The following MTUS2 variants were observed in gnomAD, a reference collection of about 807,000 sequenced individuals.
MTUS2 encodes microtubule associated scaffold protein 2, also known as microtubule-associated tumor suppressor candidate 2.
A neutral mutation model predicts 114.1 loss-of-function variants in MTUS2; 40 were observed. The ratio of observed to expected loss-of-function variants is 0.35; its 90% CI spans 0.27 to 0.46. MTUS2 has a LOEUF of 0.46. Among genes scored for constraint, MTUS2 ranks in the 20% least tolerant of loss-of-function variants. The pLI is 1.00. For missense variants in MTUS2, 1,679 were observed against 1,705.4 expected, an observed-to-expected ratio of 0.98 and a Z score of 0.27; for synonymous variants, 688 against 672.0, an observed-to-expected ratio of 1.02 and a Z score of -0.37.
intron 2 of MTUS2, among the ~76,000 whole-genome samples, chr13:28,917,890 G>A (rs1257082686): frequency 2.6e-5 from 4 of 151,728 alleles, no homozygotes; most frequent in Non-Finnish European, 4.4e-5. Flanking sequence ...TGCTTTTGCT[G>A]TATCCCATAG....
chr13:29,339,875 G>T (rs796812299), intron 7 of MTUS2: 2 of 152,922 alleles, frequency 1.3e-5, no homozygotes, highest in African/African-American at 4.8e-5. Flanking sequence ...GGATTGGGGC[G>T]GCACCCTGGC....
chr13:28,995,860 C>A (rs928249619), intron 2 of MTUS2, among the ~76,000 whole-genome samples: 8 of 152,172 alleles, frequency 5.3e-5, no homozygotes, highest in Non-Finnish European at 1.2e-4. Flanking sequence ...AATTTCACTT[C>A]CTCTTTTCCT....
At chr13:29,179,960 G>A (rs1174835912) in intron 5 of MTUS2, among the ~76,000 whole-genome samples, 1 of 152,162 alleles carries the variant, frequency 6.6e-6, no homozygotes, top group Non-Finnish European at 1.5e-5. Context: ...ACGCATTTGA[G>A]GTGGACAAAA....
At position 29,033,911 on chromosome 13, in the gene MTUS2, G is replaced by A; in HGVS notation, c.2232G>A (p.Glu744=). 1 of 1,613,956 alleles carries A rather than the reference G, an allele frequency of 6.2e-7. No individual in the cohort carries two copies. The highest frequency in any genetic ancestry group is 8.5e-7 in the Non-Finnish European group (1 of 1,179,870). ...TTACAGACCACCCTGGAAAAGAAGA[G>A]TTTTGTTCTCCTCCCTATGCTCATT... ...QEVTDHPGKE[E]FCSPPYAHYE... The change falls in exon 4 of 16, where the codon GAG becomes GAA. Residue 744 remains glutamate (E), a synonymous_variant. Transcript: ENST00000612955.
intron 9 of MTUS2, among the ~76,000 whole-genome samples, chr13:29,467,467 T>C (rs1879968489): frequency 1.3e-5 from 2 of 152,230 alleles, no homozygotes; most frequent in African/African-American, 2.4e-5. Context: ...ATGGCCCCCA[T>C]GTAGTGTATT....
At chr13:29,373,457 T>A (rs1384380907) in intron 8 of MTUS2, among the ~76,000 whole-genome samples, 4 of 152,174 alleles carry the variant, frequency 2.6e-5, no homozygotes, top group Non-Finnish European at 5.9e-5. Flanking sequence ...ATAGCAGATA[T>A]TGAGGCAAAG....
At chr13:29,348,378 C>G (rs1305765476) in intron 7 of MTUS2, among the ~76,000 whole-genome samples, 1 of 134,828 alleles carries the variant, frequency 7.4e-6, no homozygotes, top group Non-Finnish European at 1.7e-5. Context: ...TTTAGGAGCT[C>G]TGTGTCAGAA....
intron 7 of MTUS2, among the ~76,000 whole-genome samples, chr13:29,346,251 G>A (rs996092246): frequency 6.6e-6 from 1 of 152,142 alleles, no homozygotes; most frequent in Non-Finnish European, 1.5e-5. Context: ...GGTGGACAGG[G>A]CCATAGAGCT....
chr13:29,053,814 T>C (rs943396756), intron 4 of MTUS2, among the ~76,000 whole-genome samples: 5 of 152,184 alleles, frequency 3.3e-5, no homozygotes, highest in Admixed American at 2.0e-4. Context: ...TATTCACCTG[T>C]TGATAGACAT....
At chr13:29,115,094 G>A (rs1891034800) in intron 5 of MTUS2, among the ~76,000 whole-genome samples, 1 of 152,294 alleles carries the variant, frequency 6.6e-6, no homozygotes, top group African/African-American at 2.4e-5. Context: ...ATGAAATGTA[G>A]ATTTTTTTTA....
At chr13:28,824,701 A>T (rs1431357023) in intron 1 of MTUS2, among the ~76,000 whole-genome samples, 1 of 151,872 alleles carries the variant, frequency 6.6e-6, no homozygotes, top group Non-Finnish European at 1.5e-5. Flanking sequence ...ATCCAACAAA[A>T]AAGTTTGAGT....
chr13:29,365,031 T>C (rs1870585617), intron 8 of MTUS2, among the ~76,000 whole-genome samples: 1 of 152,176 alleles, frequency 6.6e-6, no homozygotes, highest in Non-Finnish European at 1.5e-5. Context: ...TCAAGGTAAA[T>C]TAATGGTTCC....
Position 29,025,156 on chromosome 13 carries a change from A to C in MTUS2, c.458A>C (p.Glu153Ala). The stretch of plus-strand genomic sequence containing the variant: ...GACGTTTTGGCTAAAAGGGATGCTG[A>C]AATTCCCCGGCATGTTCCCAAGGAT... ...SLDVLAKRDA[E>A]IPRHVPKDKL... Residue 153 changes from glutamate to alanine, a missense_variant, in exon 3 of 16, where the codon GAA becomes GCA. This residue lies in a region of MTUS2 where 843 missense variants were observed against 770.8 expected (regional missense o/e 1.09). Coordinates refer to ENST00000612955, the MANE Select transcript of MTUS2 (RefSeq NM_001033602.4). 1 of 1,613,958 alleles carries C rather than the reference A, an allele frequency of 6.2e-7. No homozygotes were observed.
At chr13:29,205,891 A>G (rs1895164766) in intron 5 of MTUS2, among the ~76,000 whole-genome samples, 1 of 152,148 alleles carries the variant, frequency 6.6e-6, no homozygotes, top group African/African-American at 2.4e-5. Flanking sequence ...TATCTTTTTC[A>G]TATAATGATT....
chr13:29,357,402 G>A (rs1012390709), intron 7 of MTUS2, among the ~76,000 whole-genome samples: 2 of 152,182 alleles, frequency 1.3e-5, no homozygotes, highest in African/African-American at 4.8e-5. Flanking sequence ...TCTAAAAGAA[G>A]TGCCTTCTAT....
chr13:29,208,182 T>C (rs965461377), intron 5 of MTUS2, among the ~76,000 whole-genome samples: 3 of 152,130 alleles, frequency 2.0e-5, no homozygotes, highest in African/African-American at 7.2e-5. Flanking sequence ...TCCAGCAATT[T>C]ATCCATCTCC....
At chr13:28,977,562 C>A (rs992816451) in intron 2 of MTUS2, among the ~76,000 whole-genome samples, 1 of 152,070 alleles carries the variant, frequency 6.6e-6, no homozygotes, top group Non-Finnish European at 1.5e-5. Flanking sequence ...AGCAATTATC[C>A]GACAAAATAG....
At chr13:28,900,810 A>T (rs1879603886) in intron 2 of MTUS2, among the ~76,000 whole-genome samples, 1 of 152,254 alleles carries the variant, frequency 6.6e-6, no homozygotes, top group South Asian at 2.1e-4. Context: ...AGTTCAGCAT[A>T]TGAATCTGGA....
chr13:29,022,392 T>G (rs887751153), intron 2 of MTUS2, among the ~76,000 whole-genome samples: 1 of 152,148 alleles, frequency 6.6e-6, no homozygotes, highest in Non-Finnish European at 1.5e-5. Context: ...TAAATAGAGA[T>G]AGGGTTTTGC....
Sources: gnomAD v4.1 joint callset for allele counts (sites outside exome capture counted in the v4.1 genomes callset) on GRCh38, gnomAD v4.1.1 for gene constraint, gnomAD v4.1.1 regional missense constraint, MANE v1.5 for transcripts, NCBI Gene and HGNC (gene_info 2026-07-23, HGNC 2026-07-21) for gene names.